Variants in DCUN1D4 observed in about 807,000 individuals in gnomAD.
DCUN1D4 encodes the protein defective in cullin neddylation 1 domain containing 4, also known as DCN1-like protein 4.
In DCUN1D4, 22 loss-of-function variants were observed where a neutral mutation model predicts 47.9. That is an observed-to-expected ratio of 0.46 (90% CI 0.33 to 0.66). DCUN1D4 has a LOEUF of 0.66. Among genes scored for constraint, DCUN1D4 ranks in the 30% least tolerant of loss-of-function variants. The pLI is 0.02. For missense variants in DCUN1D4, 301 were observed against 340.8 expected (o/e 0.88, Z 0.92); for synonymous variants, 121 against 112.2 (o/e 1.08, Z -0.50).
intron 9 of DCUN1D4, 43 bp from the exon 10 acceptor site, chr4:51,913,247 C>T (rs780942679): frequency 3.1e-5 from 39 of 1,253,442 alleles, no homozygotes; most frequent in Non-Finnish European, 4.0e-5. Flanking sequence ...CCCATTTGTT[C>T]ATTTTAAGTG....
intron 8 of DCUN1D4, among the ~76,000 whole-genome samples, chr4:51,904,395 A>G (rs1461371715): frequency 6.6e-6 from 1 of 152,168 alleles, no homozygotes; most frequent in Non-Finnish European, 1.5e-5. Context: ...TCACATGTGT[A>G]TATGGCCAAA....
intron 6 of DCUN1D4, among the ~76,000 whole-genome samples, chr4:51,890,981 C>T (rs1317035321): frequency 6.6e-6 from 1 of 152,224 alleles, no homozygotes; most frequent in Non-Finnish European, 1.5e-5. Context: ...GGGGCCTGCC[C>T]CTCCTTTACA....
chr4:51,905,318 C>T, intron 8 of DCUN1D4: 1 of 424,176 alleles, frequency 2.4e-6, no homozygotes, highest in Non-Finnish European at 4.9e-6. Context: ...CCTTGACGTC[C>T]AGGCCAGTGT....
At chr4:51,845,142 A>C in intron 1 of DCUN1D4, 3 of 985,454 alleles carry the variant, frequency 3.0e-6, no homozygotes, top group Non-Finnish European at 3.6e-6. Context: ...AAGCAACACA[A>C]TGTAAAGCAG....
intron 4 of DCUN1D4, among the ~76,000 whole-genome samples, chr4:51,876,587 T>C (rs1346208031): frequency 6.6e-6 from 1 of 152,170 alleles, no homozygotes; most frequent in African/African-American, 2.4e-5. Context: ...AAAAGGATTA[T>C]ACAGTTGACT....
chr4:51,843,457 C>G (rs1721914849), intron 1 of DCUN1D4, 190 bp downstream of exon 1: 4 of 960,766 alleles, frequency 4.2e-6, no homozygotes, highest in Non-Finnish European at 3.9e-6. Context: ...CGGGGGCGGG[C>G]GTGGGGGGAA....
intron 1 of DCUN1D4, among the ~76,000 whole-genome samples, chr4:51,862,119 C>T (rs1223588968): frequency 6.6e-6 from 1 of 152,196 alleles, no homozygotes; most frequent in Admixed American, 6.5e-5. Flanking sequence ...GAGCTTGAGG[C>T]CCTGCTCTGG....
intron 8 of DCUN1D4, among the ~76,000 whole-genome samples, chr4:51,903,350 A>G (rs1578038529): frequency 2.0e-5 from 3 of 152,130 alleles, no homozygotes; most frequent in Admixed American, 6.5e-5. Flanking sequence ...GTCTTTCATC[A>G]TGTGTAATTA....
chr4:51,907,287 CTAA>C (rs1188230103), intron 8 of DCUN1D4, among the ~76,000 whole-genome samples: 1 of 152,172 alleles, frequency 6.6e-6, no homozygotes, highest in Non-Finnish European at 1.5e-5. Context: ...TGTCTCTAAA[CTAA>C]TGTTAGCTAA....
intron 5 of DCUN1D4, among the ~76,000 whole-genome samples, chr4:51,879,691 C>T (rs974972681): frequency 3.3e-5 from 5 of 152,186 alleles, no homozygotes; most frequent in Non-Finnish European, 7.3e-5. Context: ...ATTCTTATCA[C>T]ATTGATTATG....
intron 1 of DCUN1D4, among the ~76,000 whole-genome samples, chr4:51,861,939 A>G (rs535265478): frequency 3.9e-3 from 588 of 151,940 alleles, no homozygotes; most frequent in Non-Finnish European, 7.3e-3. Context: ...AATAAATATA[A>G]ATGTAAATAA....
chr4:51,876,704 G>A (rs1012072826), intron 4 of DCUN1D4, among the ~76,000 whole-genome samples: 19 of 152,080 alleles, frequency 1.2e-4, no homozygotes, highest in African/African-American at 4.3e-4. Flanking sequence ...CCACCTGTAT[G>A]GAGCACTGAC....
intron 1 of DCUN1D4, among the ~76,000 whole-genome samples, chr4:51,850,017 C>T (rs1723141294): frequency 6.6e-6 from 1 of 152,036 alleles, no homozygotes; most frequent in South Asian, 2.1e-4. Flanking sequence ...AGATATAGAA[C>T]ATTTCATTAC....
intron 6 of DCUN1D4, among the ~76,000 whole-genome samples, chr4:51,889,890 C>A (rs1261109792): frequency 6.6e-6 from 1 of 152,148 alleles, no homozygotes; most frequent in Non-Finnish European, 1.5e-5. Flanking sequence ...GCCTTTTAAG[C>A]AGTCATTACT....
rs549905602 is a variant in DCUN1D4 at position 51,873,435 on chromosome 4, C to T, written c.137-836C>T. ...TTGTCTTGTAGTTTATAACTTAAGA[C>T]GGCCTGAAGCAAGACTGCCCAGATT... On this transcript the variant is annotated intron_variant, in intron 3 of 10. Transcript: ENST00000334635. Among the ~76,000 whole-genome samples, 105 of 152,258 alleles carry T rather than the reference C, an allele frequency of 6.9e-4. 2 individuals carry two copies. The South Asian group carries it at 0.018, about 27-fold the overall frequency.
intron 1 of DCUN1D4, among the ~76,000 whole-genome samples, chr4:51,852,974 A>C (rs1251990865): frequency 6.6e-6 from 1 of 152,210 alleles, no homozygotes; most frequent in Non-Finnish European, 1.5e-5. Context: ...CTACCCAGTG[A>C]TTCTGTGTGC....
At chr4:51,886,091 A>G (rs886608081) in intron 5 of DCUN1D4, among the ~76,000 whole-genome samples, 2 of 152,246 alleles carry the variant, frequency 1.3e-5, no homozygotes, top group African/African-American at 2.4e-5. Context: ...AGCTAATGCT[A>G]GAACGGAAAA....
chr4:51,842,998 C>G, upstream of DCUN1D4: 1 of 1,258,802 alleles, frequency 7.9e-7, no homozygotes, highest in Non-Finnish European at 1.0e-6. Context: ...ATCGTATTGG[C>G]CAGTGGGGGG....
chr4:51,844,381 C>T (rs1486993289), intron 1 of DCUN1D4: 1 of 984,464 alleles, frequency 1.0e-6, no homozygotes, highest in Non-Finnish European at 1.2e-6. Flanking sequence ...GTGGTTCCCC[C>T]CGGACGGCGG....
Sources: allele counts gnomAD v4.1 joint callset (sites outside exome capture counted in the v4.1 genomes callset), GRCh38; gene constraint gnomAD v4.1.1; transcripts MANE v1.5; gene names NCBI Gene and HGNC (gene_info 2026-07-23, HGNC 2026-07-21).